SCEL: variants seen among roughly 807,000 people sequenced by gnomAD.
The protein encoded by SCEL is sciellin.
SCEL carries 113 observed loss-of-function variants against 117.6 expected under a neutral mutation model. That is an observed-to-expected ratio of 0.96 (90% confidence interval 0.83 to 1.12). SCEL has a LOEUF of 1.12. Among genes scored for constraint, SCEL ranks in the 50% most tolerant of loss-of-function variants. The pLI, the probability that SCEL is intolerant of heterozygous loss-of-function variation, is 0.00. For missense variants in SCEL, 785 were observed against 810.8 expected, an observed-to-expected ratio of 0.97 and a Z score of 0.39; for synonymous variants, 270 against 256.2, an observed-to-expected ratio of 1.05 and a Z score of -0.51.
intron 1 of SCEL, among the ~76,000 whole-genome samples, chr13:77,549,951 C>T (rs1274397789): frequency 6.6e-6 from 1 of 151,328 alleles, no homozygotes; most frequent in African/African-American, 2.4e-5. Context: ...ACCGCACGGG[C>T]CATATAAGAG....
intron 16 of SCEL, 166 bp from the exon 17 acceptor site, chr13:77,602,488 T>C: frequency 1.6e-6 from 1 of 614,226 alleles, no homozygotes; most frequent in Non-Finnish European, 2.9e-6. Context: ...GAAATGCTAT[T>C]GTGGAAATTA....
intron 1 of SCEL, 93 bp from the exon 2 acceptor site, chr13:77,555,764 T>C (rs1212999271): frequency 1.2e-6 from 1 of 846,520 alleles, no homozygotes; most frequent in Non-Finnish European, 2.0e-6. Flanking sequence ...ACTATGTCAC[T>C]GTCATTGAAA....
In SCEL at chr13:77,599,423, C is replaced by G. The variant is rs373724511; in HGVS notation, c.857+35C>G. The G allele has an allele frequency of 4.5e-4, 692 of 1,549,976 alleles. 2 individuals carry two copies. Among genetic ancestry groups the G allele is most frequent in the South Asian group, 6.8e-4 (60 of 88,172 alleles). ...TCTGTCTCAAATATGAAAATCTTAC[C>G]TTGCAGATTGCTCGTCTTATTCCCT... On this transcript the variant is annotated intron_variant, in intron 14 of 32. Coordinates refer to ENST00000349847, the MANE Select transcript of SCEL (RefSeq NM_144777.3).
chr13:77,631,052 G>A (rs1347915406), intron 28 of SCEL, among the ~76,000 whole-genome samples: 1 of 152,130 alleles, frequency 6.6e-6, no homozygotes, highest in African/African-American at 2.4e-5. Flanking sequence ...TTGAGTAAGA[G>A]GTTGGACTTC....
intron 9 of SCEL, among the ~76,000 whole-genome samples, chr13:77,579,122 A>G (rs2086122545): frequency 6.6e-6 from 1 of 152,190 alleles, no homozygotes; most frequent in African/African-American, 2.4e-5. Context: ...AAACCAACCC[A>G]TCCTTCAAGA....
At position 77,567,716 on chromosome 13, in the gene SCEL, G is replaced by A. The variant is rs1403999640; in HGVS notation, c.327G>A (p.Lys109=). 6.2e-7 allele frequency: 1 copy of A among 1,608,136 alleles called. No homozygotes were observed. The highest frequency in any genetic ancestry group is 8.5e-7 in the Non-Finnish European group (1 of 1,177,320). The part of the protein sequence containing the change: ...SDRNDAAKTY[K]ANTLDNQLTN... ...GAAATGATGCTGCTAAAACATATAA[G>A]GCCAATACCTTGGATAACCAACTAA... The change falls in exon 6 of 33, where the codon AAG becomes AAA. Residue 109 remains lysine, a synonymous_variant. Transcript: ENST00000349847.
At chr13:77,546,132 T>A (rs776417022) in intron 1 of SCEL, among the ~76,000 whole-genome samples, 16 of 152,312 alleles carry the variant, frequency 1.1e-4, no homozygotes, top group Non-Finnish European at 2.1e-4. Context: ...CTGGCTGCAG[T>A]GTGTTCATTG....
chr13:77,594,287 C>T (rs566902485), intron 12 of SCEL, among the ~76,000 whole-genome samples: 1 of 152,346 alleles, frequency 6.6e-6, no homozygotes, highest in South Asian at 2.1e-4. Context: ...AAAGCCCTTG[C>T]GAACCTGGCT....
chr13:77,593,260 G>GTGTGTGTGTT (rs1491440329), intron 11 of SCEL, among the ~76,000 whole-genome samples: 1 of 5,184 alleles, frequency 1.9e-4, no homozygotes, highest in Non-Finnish European at 4.6e-4. Flanking sequence ...ACAGAGGGGA[G>GTGTGTGTGTT]TGTGTGTGTG....
At chr13:77,573,094 T>C (rs1765128889) in intron 9 of SCEL, among the ~76,000 whole-genome samples, 1 of 152,348 alleles carries the variant, frequency 6.6e-6, no homozygotes, top group Admixed American at 6.5e-5. Context: ...ATAGATCAGG[T>C]AGAGGACACC....
At chr13:77,581,553 G>A (rs147078365) in intron 9 of SCEL, among the ~76,000 whole-genome samples, 1 of 152,140 alleles carries the variant, frequency 6.6e-6, no homozygotes, top group African/African-American at 2.4e-5. Context: ...TGCCAGGGGG[G>A]CTCCTGGAAA....
intron 7 of SCEL, 126 bp from the exon 8 acceptor site, chr13:77,569,245 C>A: frequency 2.9e-6 from 2 of 693,254 alleles, no homozygotes; most frequent in Non-Finnish European, 4.7e-6. Flanking sequence ...TTTTTCTATC[C>A]CCAAGTGAAA....
intron 24 of SCEL, among the ~76,000 whole-genome samples, chr13:77,614,974 T>A (rs189610664): frequency 6.1e-4 from 93 of 152,234 alleles, no homozygotes; most frequent in African/African-American, 2.1e-3. Context: ...TAACATAGAT[T>A]AAAGCTAATT....
intron 4 of SCEL, 63 bp downstream of exon 4, chr13:77,559,926 C>T (rs1010621465): frequency 2.6e-5 from 36 of 1,386,090 alleles, no homozygotes; most frequent in Admixed American, 6.8e-5. Flanking sequence ...TCAGAGAAGA[C>T]TTGTTCAAGA....
At chr13:77,588,939 T>A (rs1049689535) in intron 9 of SCEL, among the ~76,000 whole-genome samples, 1 of 152,186 alleles carries the variant, frequency 6.6e-6, no homozygotes, top group Non-Finnish European at 1.5e-5. Flanking sequence ...CCTGATTAAA[T>A]AAACTTTAAA....
intron 9 of SCEL, among the ~76,000 whole-genome samples, chr13:77,580,998 G>A (rs1415528951): frequency 1.3e-5 from 2 of 152,146 alleles, no homozygotes; most frequent in East Asian, 1.9e-4. Context: ...TTTTCTGTCT[G>A]TAACTATAAA....
At chr13:77,581,494 A>G (rs2086259494) in intron 9 of SCEL, among the ~76,000 whole-genome samples, 1 of 152,172 alleles carries the variant, frequency 6.6e-6, no homozygotes, top group African/African-American at 2.4e-5. Flanking sequence ...TGCCCAACCC[A>G]GATTCCCACC....
chr13:77,599,353 C>T lies in SCEL; in HGVS notation c.822C>T (p.Phe274=), dbSNP rs1436830111. The change falls in exon 14 of 33, where the codon TTC becomes TTT. Residue 274 remains phenylalanine, a synonymous_variant. Coordinates refer to ENST00000349847, the MANE Select transcript of SCEL (RefSeq NM_144777.3). ...LNRNQGLDSL[F]RANPKVEERE... ...GGAATCAAGGTCTTGATAGTCTCTT[C>T]AGAGCAAATCCAAAGGTAGAAGAAA... 5.0e-5 allele frequency: 81 copies of T among 1,612,552 alleles called. No individual in the cohort carries two copies. Among genetic ancestry groups the T allele is most frequent in the Non-Finnish European group, 6.8e-5 (80 of 1,179,098 alleles).
At chr13:77,555,784 C>A in intron 1 of SCEL, 73 bp from the exon 2 acceptor site, 1 of 973,150 alleles carries the variant, frequency 1.0e-6, no homozygotes, top group Non-Finnish European at 1.7e-6. Flanking sequence ...AAGTGAATCT[C>A]AGTCATGAAA....
Sources: gnomAD v4.1 joint callset for allele counts (sites outside exome capture counted in the v4.1 genomes callset) on GRCh38, gnomAD v4.1.1 for gene constraint, MANE v1.5 for transcripts, NCBI Gene and HGNC (gene_info 2026-07-23, HGNC 2026-07-21) for gene names.